Variants in PCDH15 observed in about 807,000 individuals in gnomAD.
PCDH15 encodes the protein protocadherin related 15.
Under a neutral mutation model 178.5 loss-of-function variants are expected in PCDH15, and 129 were observed. The observed-to-expected ratio is 0.72, with a 90% CI of 0.63 to 0.84. PCDH15 has a LOEUF of 0.84. PCDH15 is among the 40% of genes least tolerant of loss of function. The pLI, the probability that PCDH15 is intolerant of heterozygous loss-of-function variation, is 0.00. For synonymous variants in PCDH15, 800 were observed against 732.0 expected (o/e 1.09, Z -1.50); for missense variants, 2,230 against 2,099.9 (o/e 1.06, Z -1.21).
intron 23 of PCDH15, among the ~76,000 whole-genome samples, 157 bp from the exon 24 acceptor site, chr10:53,941,132 C>T (rs539947670): frequency 5.5e-4 from 84 of 152,338 alleles, no homozygotes; most frequent in African/African-American, 1.9e-3. Context: ...CCCCACCCAA[C>T]TGCTACCTTT....
intron 2 of PCDH15, among the ~76,000 whole-genome samples, chr10:55,163,730 T>A (rs1382210961): frequency 1.3e-5 from 2 of 152,062 alleles, no homozygotes; most frequent in East Asian, 3.9e-4. Flanking sequence ...TAAAAGACAC[T>A]CCCACCAGAG....
intron 2 of PCDH15, among the ~76,000 whole-genome samples, chr10:55,605,040 G>A (rs368649664): frequency 1.6e-4 from 25 of 151,906 alleles, no homozygotes; most frequent in Middle Eastern, 3.4e-3. Flanking sequence ...TCAAATAGAC[G>A]CAATAAAAAA....
chr10:53,975,511 T>G (rs1323799922), intron 21 of PCDH15, among the ~76,000 whole-genome samples: 1 of 152,168 alleles, frequency 6.6e-6, no homozygotes, highest in Non-Finnish European at 1.5e-5. Flanking sequence ...GTGGTTTTGA[T>G]TTGTGTTTCT....
chr10:55,626,077 G>A (rs1179315756), intron 2 of PCDH15, among the ~76,000 whole-genome samples: 1 of 151,960 alleles, frequency 6.6e-6, no homozygotes, highest in Non-Finnish European at 1.5e-5. Flanking sequence ...AGTAACAAGG[G>A]CCATTGCACA....
chr10:55,279,152 T>A (rs1352234770), intron 1 of PCDH15, among the ~76,000 whole-genome samples: 1 of 152,072 alleles, frequency 6.6e-6, no homozygotes, highest in Non-Finnish European at 1.5e-5. Flanking sequence ...ACTAAGACCA[T>A]AAAGTTACAT....
Position 55,232,995 on chromosome 10 carries a change from A to G in PCDH15, c.-155-66344T>C, listed in dbSNP as rs146786354. The stretch of plus-strand genomic sequence containing the variant: ...TGAGATAGTAAATGTTCATTGCTTT[A>G]AACCACTATGTTTTGGGACAGTTAG... On this transcript the variant is annotated intron_variant, in intron 1 of 5. Coordinates refer to the PCDH15 transcript ENST00000458638. Among the ~76,000 whole-genome samples the G allele has an allele frequency of 1.1e-3, 168 of 152,252 alleles. 1 individual carries two copies. The Middle Eastern group carries it at 0.014, about 12-fold the overall frequency.
At chr10:55,382,298 A>G (rs1000446196) in intron 2 of PCDH15, among the ~76,000 whole-genome samples, 25 of 152,238 alleles carry the variant, frequency 1.6e-4, no homozygotes, top group African/African-American at 5.8e-4. Flanking sequence ...GTTATATTGC[A>G]TGGAAACAAA....
intron 1 of PCDH15, among the ~76,000 whole-genome samples, chr10:54,761,210 C>T (rs1387430289): frequency 6.6e-6 from 1 of 151,998 alleles, no homozygotes; most frequent in African/African-American, 2.4e-5. Context: ...TCTTGCCCCC[C>T]CAAAAATAAT....
At chr10:53,978,206 CT>C (rs1337908190) in intron 21 of PCDH15, among the ~76,000 whole-genome samples, 1 of 152,208 alleles carries the variant, frequency 6.6e-6, no homozygotes, top group Admixed American at 6.5e-5. Context: ...AGCAGAGGTT[CT>C]CCATGAGAAT....
chr10:54,182,921 A>G (rs1305555013), intron 13 of PCDH15, among the ~76,000 whole-genome samples: 1 of 152,062 alleles, frequency 6.6e-6, no homozygotes, highest in Non-Finnish European at 1.5e-5. Flanking sequence ...TCTAATAACC[A>G]GTTAAGTCTC....
At chr10:54,421,730 A>ATATATACACAC (rs199969784) in intron 3 of PCDH15, among the ~76,000 whole-genome samples, 7 of 122,258 alleles carry the variant, frequency 5.7e-5, no homozygotes, top group South Asian at 2.7e-4. Flanking sequence ...TTTTTGTGTT[A>ATATATACACAC]TATATACACA....
At chr10:55,060,860 G>A (rs1841411551) in intron 2 of PCDH15, among the ~76,000 whole-genome samples, 1 of 151,886 alleles carries the variant, frequency 6.6e-6, no homozygotes, top group African/African-American at 2.4e-5. Context: ...TAGTTATGGA[G>A]TAACTGAACA....
At chr10:54,192,238 G>A (rs1382519396) in intron 11 of PCDH15, among the ~76,000 whole-genome samples, 1 of 151,060 alleles carries the variant, frequency 6.6e-6, no homozygotes, top group Admixed American at 6.6e-5. Context: ...GAGAGGGAGA[G>A]AGGGAGAGAG....
intron 3 of PCDH15, among the ~76,000 whole-genome samples, chr10:54,447,766 C>G (rs1232806157): frequency 3.3e-5 from 5 of 151,680 alleles, no homozygotes; most frequent in Non-Finnish European, 7.4e-5. Context: ...GTCTTCTAGG[C>G]TTGAATTCTT....
At chr10:53,864,610 A>C (rs1230241512) in intron 27 of PCDH15, among the ~76,000 whole-genome samples, 2 of 152,030 alleles carry the variant, frequency 1.3e-5, no homozygotes, top group Admixed American at 1.3e-4. Context: ...AAGGAGTATT[A>C]AAACCCAGAA....
At chr10:54,221,149 A>G (rs993855975) in intron 9 of PCDH15, among the ~76,000 whole-genome samples, 13 of 152,162 alleles carry the variant, frequency 8.5e-5, no homozygotes, top group African/African-American at 3.1e-4. Context: ...AACTATGTTT[A>G]TTATCACAAT....
chr10:54,795,343 C>T (rs1951847769), intron 1 of PCDH15, among the ~76,000 whole-genome samples: 1 of 151,782 alleles, frequency 6.6e-6, no homozygotes, highest in Non-Finnish European at 1.5e-5. Context: ...AAATAAATGT[C>T]CATTCTCAAA....
chr10:54,035,861 A>T (rs1289539206), intron 18 of PCDH15, among the ~76,000 whole-genome samples: 1 of 152,006 alleles, frequency 6.6e-6, no homozygotes, highest in Non-Finnish European at 1.5e-5. Flanking sequence ...AAGATATTTC[A>T]TAAATTAAAA....
At chr10:53,893,099 G>A (rs1367375572) in intron 26 of PCDH15, among the ~76,000 whole-genome samples, 1 of 151,920 alleles carries the variant, frequency 6.6e-6, no homozygotes, top group Non-Finnish European at 1.5e-5. Flanking sequence ...TTGACTTTGA[G>A]TGTCGGTGGA....
Sources: allele counts gnomAD v4.1 joint callset (sites outside exome capture counted in the v4.1 genomes callset), GRCh38; gene constraint gnomAD v4.1.1; transcripts MANE v1.5; gene names NCBI Gene and HGNC (gene_info 2026-07-23, HGNC 2026-07-21).